The following SPICE1 variants were observed in gnomAD, a reference collection of about 807,000 sequenced individuals.
SPICE1 encodes the protein spindle and centriole associated protein 1.
Under a neutral mutation model 102.7 loss-of-function variants are expected in SPICE1, and 75 were observed. That is an observed-to-expected ratio of 0.73 (90% CI 0.61 to 0.88). The LOEUF is 0.88. Ranked by LOEUF, SPICE1 falls within the 40% of genes least tolerant of loss-of-function variation. The probability of loss-of-function intolerance (pLI) is 0.00; values close to 1 mark genes in which losing one functional copy is unlikely to be tolerated. For synonymous variants in SPICE1, 308 were observed against 350.3 expected, an observed-to-expected ratio of 0.88 and a Z score of 1.35; for missense variants, 979 against 1,020.1, an observed-to-expected ratio of 0.96 and a Z score of 0.55.
At chr3:113,473,740 A>T (rs1413013566) in intron 7 of SPICE1, among the ~76,000 whole-genome samples, 1 of 151,716 alleles carries the variant, frequency 6.6e-6, no homozygotes, top group African/African-American at 2.4e-5. Flanking sequence ...AAATGCTGAG[A>T]GATTTTGTCA....
rs71633321 is a variant in SPICE1 at position 113,504,571 on chromosome 3, C to CAAA, written c.100-1347_100-1345dup. Among the ~76,000 whole-genome samples the CAAA allele has an allele frequency of 6.6e-3, 445 of 67,790 alleles. 6 individuals carry two copies. The highest frequency in any genetic ancestry group is 0.022 in the African/African-American group (411 of 18,562). 44.5% of individuals were successfully genotyped at this position (67,790 alleles called of 152,430 possible). ...TGGGCAACATAGCAAGACCTTGTCTCAAAAAAAAAAAAAAAAAAAAAAAGG... is the reference window on the plus strand; with the variant it reads ...TGGGCAACATAGCAAGACCTTGTCTCAAAAAAAAAAAAAAAAAAAAAAAAAAGG... On this transcript the variant is annotated intron_variant, in intron 2 of 17. Transcript: ENST00000295872.
chr3:113,468,617 G>A (rs1936120127), intron 9 of SPICE1, 145 bp downstream of exon 9: 2 of 1,076,038 alleles, frequency 1.9e-6, no homozygotes, highest in African/African-American at 3.2e-5. Context: ...CATGTGGTAG[G>A]AGACATTTCT....
In SPICE1 at chr3:113,493,297, G is replaced by A. The variant is rs1286287871; in HGVS notation, c.401C>T (p.Thr134Ile). Residue 134 changes from threonine to isoleucine, a missense_variant, in exon 6 of 18, where the codon ACA (threonine) becomes ATA (isoleucine). Physicochemically the swap from Thr to Ile is moderately conservative, Grantham distance 89 (BLOSUM62 -1). Coordinates refer to ENST00000295872, the MANE Select transcript of SPICE1 (RefSeq NM_144718.4). ...ACCCTGAGAGGAATCAGGAGCCACT[G>A]TTACATTTGGAAACCCTGCAAAAGG... is the stretch of plus-strand genomic sequence containing the variant. ...PRRRTGFPNV[T>I]VAPDSSQGPI... is the part of the protein sequence containing the mutation. The A allele has an allele frequency of 1.2e-6, 2 of 1,613,684 alleles. No individual in the cohort carries two copies. Among genetic ancestry groups the A allele is most frequent in the African/African-American group, 1.3e-5 (1 of 74,894 alleles).
intron 1 of SPICE1, among the ~76,000 whole-genome samples, chr3:113,513,764 A>G (rs1937264685): frequency 6.6e-6 from 1 of 152,156 alleles, no homozygotes; most frequent in Non-Finnish European, 1.5e-5. Context: ...TCATTATTCT[A>G]ATTAGTCTCC....
chr3:113,512,343 T>G (rs917861110), intron 1 of SPICE1, among the ~76,000 whole-genome samples: 2 of 152,090 alleles, frequency 1.3e-5, no homozygotes, highest in African/African-American at 2.4e-5. Flanking sequence ...TAATCCTTAG[T>G]TCTACCTCCA....
At chr3:113,505,620 T>C (rs1310883466) in intron 2 of SPICE1, among the ~76,000 whole-genome samples, 1 of 152,172 alleles carries the variant, frequency 6.6e-6, no homozygotes, top group African/African-American at 2.4e-5. Context: ...AAGAGAAATC[T>C]AGCTGGGTGC....
rs1210811568 is a variant in SPICE1 at position 113,494,177 on chromosome 3, G to T, written c.292-35C>A. On this transcript the variant is annotated intron_variant, in intron 4 of 17. Coordinates refer to ENST00000295872, the MANE Select transcript of SPICE1 (RefSeq NM_144718.4). ...TGTTAATGACAAATATTATTATTCA[G>T]ATTATATTTACTTTTCAAATCGCAA... The T allele has an allele frequency of 3.6e-6, 5 of 1,397,908 alleles. No individual in the cohort carries two copies. In the South Asian group the frequency reaches 6.1e-5, roughly 17 times the overall value. 86.6% of individuals were successfully genotyped at this position (1,397,908 alleles called of 1,614,324 possible).
chr3:113,469,578 TA>T (rs1936149455), intron 7 of SPICE1, among the ~76,000 whole-genome samples: 1 of 148,814 alleles, frequency 6.7e-6, no homozygotes, highest in East Asian at 1.9e-4. Context: ...TTAATTTATA[TA>T]AAAAATAGGT....
At chr3:113,447,590 C>T (rs933534158) in intron 16 of SPICE1, among the ~76,000 whole-genome samples, 7 of 152,108 alleles carry the variant, frequency 4.6e-5, no homozygotes, top group African/African-American at 1.4e-4. Context: ...TGGAACAGCA[C>T]AGTACAATAG....
intron 2 of SPICE1, among the ~76,000 whole-genome samples, 168 bp from the exon 3 acceptor site, chr3:113,503,395 A>T (rs902108667): frequency 6.6e-6 from 1 of 152,214 alleles, no homozygotes; most frequent in Admixed American, 6.5e-5. Flanking sequence ...TATTAGTTTT[A>T]GGTGTCCTAT....
intron 4 of SPICE1, 57 bp from the exon 5 acceptor site, chr3:113,494,199 G>A: frequency 7.8e-7 from 1 of 1,281,610 alleles, no homozygotes; most frequent in Non-Finnish European, 1.1e-6. Flanking sequence ...TTTTCAAATC[G>A]CAAAGGAAAA....
rs577615350 is a variant in SPICE1 at position 113,446,775 on chromosome 3, T to C, written c.2427-99A>G. On this transcript the variant is annotated intron_variant, in intron 16 of 17. Transcript: ENST00000295872. ...GACAATTCTCAATACTGGCAAGAGC[T>C]TGAAAACATATGGCTAACTTAGGTC... The C allele has an allele frequency of 5.0e-5, 48 of 966,592 alleles. No individual in the cohort carries two copies. The Admixed American group carries it at 7.7e-4, about 16-fold the overall frequency. 59.9% of individuals were successfully genotyped at this position (966,592 alleles called of 1,614,324 possible).
chr3:113,446,828 T>C (rs1213900436), intron 16 of SPICE1, 152 bp from the exon 17 acceptor site: 4 of 668,182 alleles, frequency 6.0e-6, no homozygotes, highest in Non-Finnish European at 1.1e-5. Context: ...TGTAACTTAT[T>C]TTCACCAACC....
rs1018471094 is a variant in SPICE1, at chr3:113,494,085, C to G, written c.349G>C (p.Ala117Pro). Reference sequence around the variant, plus strand: ...CGAGGAAACAGCTCTTTTGCTGCAGCTATTAGATGATCAGATTTCTCCAAC... The same window carrying G: ...CGAGGAAACAGCTCTTTTGCTGCAGGTATTAGATGATCAGATTTCTCCAAC... The part of the protein sequence containing the change: ...DVLEKSDHLI[A>P]AAKELFPRRR... The change falls in exon 5 of 18, where the codon GCT becomes CCT. Residue 117 changes from alanine (A) to proline (P), a missense_variant. Ala to Pro is a conservative substitution (Grantham distance 27). Transcript: ENST00000295872. 2 of 1,612,708 alleles carry G rather than the reference C, an allele frequency of 1.2e-6. No homozygotes were observed. The highest frequency in any genetic ancestry group is 1.1e-5 in the South Asian group (1 of 90,910).
chr3:113,460,848 C>A (rs898964643), intron 11 of SPICE1, 84 bp from the exon 12 acceptor site: 1 of 1,258,710 alleles, frequency 7.9e-7, no homozygotes, highest in Non-Finnish European at 1.1e-6. Context: ...ACAAAGGATA[C>A]GTGTGTTTAA....
At chr3:113,452,903 G>C (rs1223092531) in intron 14 of SPICE1, among the ~76,000 whole-genome samples, 2 of 151,978 alleles carry the variant, frequency 1.3e-5, no homozygotes, top group African/African-American at 2.4e-5. Context: ...ACTTGAACCC[G>C]GGAGGCAGAG....
chr3:113,468,695 AAG>A, intron 9 of SPICE1, 65 bp downstream of exon 9: 2 of 1,507,468 alleles, frequency 1.3e-6, no homozygotes, highest in African/African-American at 1.4e-5. Flanking sequence ...AACATTGACT[AAG>A]AGATTAAGAC....
chr3:113,467,883 G>A (rs1027567268), intron 10 of SPICE1, among the ~76,000 whole-genome samples: 1 of 145,698 alleles, frequency 6.9e-6, no homozygotes, highest in African/African-American at 2.4e-5. Context: ...TTATATTAAT[G>A]GCAGATTTAC....
chr3:113,461,513 C>T (rs62265994), intron 11 of SPICE1, among the ~76,000 whole-genome samples: 20 of 152,020 alleles, frequency 1.3e-4, no homozygotes, highest in Non-Finnish European at 2.6e-4. Context: ...TTGTTTTGTT[C>T]TTAATCTTCT....
Sources: allele counts gnomAD v4.1 joint callset (sites outside exome capture counted in the v4.1 genomes callset), GRCh38; gene constraint gnomAD v4.1.1; transcripts MANE v1.5; gene names NCBI Gene and HGNC (gene_info 2026-07-23, HGNC 2026-07-21).